The following CHSY3 variants were observed in gnomAD, a reference collection of about 807,000 sequenced individuals.
CHSY3 encodes N-acetylgalactosaminyl-proteoglycan 3-beta-glucuronosyltransferase 3.
A neutral mutation model predicts 67.2 loss-of-function variants in CHSY3; 35 were observed. The ratio of observed to expected loss-of-function variants is 0.52; its 90% CI spans 0.40 to 0.69. CHSY3 has a LOEUF of 0.69. Ranked by LOEUF, CHSY3 falls within the 30% of genes least tolerant of loss-of-function variation. CHSY3 has a pLI of 0.00. For synonymous variants in CHSY3, 474 were observed against 434.7 expected, an observed-to-expected ratio of 1.09 and a Z score of -1.12; for missense variants, 1,069 against 1,138.5, an observed-to-expected ratio of 0.94 and a Z score of 0.88.
chr5:130,081,261 C>T (rs1023499439), intron 2 of CHSY3, among the ~76,000 whole-genome samples: 4 of 150,092 alleles, frequency 2.7e-5, no homozygotes, highest in African/African-American at 7.4e-5. Context: ...TTCAAGAGAA[C>T]AGCTTCATTC....
In CHSY3 at chr5:130,186,137, C is replaced by G. The variant is rs1314563381; in HGVS notation, c.*346C>G. 6.4e-6 allele frequency: 1 copy of G among 155,566 alleles called. No homozygotes were observed. The highest frequency in any genetic ancestry group is 6.5e-5 in the Admixed American group (1 of 15,356). The allele number at this position is 155,566 out of a possible 1,614,324, so 9.6% of individuals were successfully genotyped here. ...AATGTTCTCTTGGGGCTTAAAGATGCAATATCGACTTTTATTTGGTTTCTC... is the reference window on the plus strand; with the variant it reads ...AATGTTCTCTTGGGGCTTAAAGATGGAATATCGACTTTTATTTGGTTTCTC... On this transcript the variant is annotated 3_prime_UTR_variant, in exon 3 of 3. Transcript: ENST00000305031.
At chr5:130,178,506 C>A (rs1293176483) in intron 2 of CHSY3, among the ~76,000 whole-genome samples, 1 of 151,854 alleles carries the variant, frequency 6.6e-6, no homozygotes, top group Non-Finnish European at 1.5e-5. Context: ...CCCGTCTCGG[C>A]CTCCGAAAGT....
At chr5:129,925,260 T>TAG (rs927453430) in intron 2 of CHSY3, among the ~76,000 whole-genome samples, 1 of 152,108 alleles carries the variant, frequency 6.6e-6, no homozygotes, top group African/African-American at 2.4e-5. Context: ...GAATTGGTTA[T>TAG]GGGCTAATGT....
chr5:130,020,443 ATATATATATATATATATATTTTTT>A (rs1764341947), intron 2 of CHSY3, among the ~76,000 whole-genome samples: 2 of 7,738 alleles, frequency 2.6e-4, no homozygotes, highest in African/African-American at 9.6e-4. Context: ...ATATATATAT[ATATATATATATATATATATTTTTT>A]TTTTTTTTTT....
chr5:130,143,841 T>C lies in CHSY3; in HGVS notation c.1087-40388T>C, dbSNP rs1234973537. 2.7e-4 allele frequency among the ~76,000 whole-genome samples: 37 copies of C among 135,064 alleles called. 1 individual carries two copies. Among genetic ancestry groups the C allele is most frequent in the Non-Finnish European group, 4.6e-4 (29 of 63,168 alleles). The allele number at this position is 135,064 out of a possible 152,430, so 88.6% of individuals were successfully genotyped here. ...ATATATATATATATATATATATATA[T>C]ATATATGCCAATTCAGCTATATTGG... On this transcript the variant is annotated intron_variant, in intron 2 of 2. Transcript: ENST00000305031.
At chr5:130,055,680 C>G (rs1765507603) in intron 2 of CHSY3, among the ~76,000 whole-genome samples, 1 of 151,944 alleles carries the variant, frequency 6.6e-6, no homozygotes, top group Non-Finnish European at 1.5e-5. Context: ...TTATTTTGAA[C>G]AGGAGAACAA....
At chr5:130,073,615 G>C (rs1032761591) in intron 2 of CHSY3, among the ~76,000 whole-genome samples, 1 of 152,016 alleles carries the variant, frequency 6.6e-6, no homozygotes, top group Non-Finnish European at 1.5e-5. Flanking sequence ...AATTAGTATG[G>C]TCACTTTGAA....
At chr5:130,028,560 A>C (rs951826327) in intron 2 of CHSY3, among the ~76,000 whole-genome samples, 5 of 152,166 alleles carry the variant, frequency 3.3e-5, no homozygotes, top group African/African-American at 4.8e-5. Flanking sequence ...TAAGCATCCA[A>C]CATGTCACCT....
chr5:130,096,135 C>CA (rs1419686638), intron 2 of CHSY3, among the ~76,000 whole-genome samples: 1 of 151,716 alleles, frequency 6.6e-6, no homozygotes, highest in African/African-American at 2.4e-5. Flanking sequence ...GATCCTGGAA[C>CA]AAAAAAACTG....
At chr5:129,979,964 C>A (rs1447728504) in intron 2 of CHSY3, among the ~76,000 whole-genome samples, 1 of 152,092 alleles carries the variant, frequency 6.6e-6, no homozygotes, top group African/African-American at 2.4e-5. Context: ...TTTCATTTCC[C>A]TGATATATAC....
chr5:129,982,332 A>G (rs1763044432), intron 2 of CHSY3, among the ~76,000 whole-genome samples: 1 of 152,068 alleles, frequency 6.6e-6, no homozygotes, highest in African/African-American at 2.4e-5. Context: ...CTCTACTCTA[A>G]AATGGTTGCC....
At chr5:129,917,838 T>C (rs1037377268) in intron 2 of CHSY3, among the ~76,000 whole-genome samples, 1 of 152,220 alleles carries the variant, frequency 6.6e-6, no homozygotes, top group Non-Finnish European at 1.5e-5. Flanking sequence ...TCATCCGTTA[T>C]GTCAAAATCT....
chr5:130,006,199 A>G (rs1255609037), intron 2 of CHSY3, among the ~76,000 whole-genome samples: 1 of 152,088 alleles, frequency 6.6e-6, no homozygotes, highest in Non-Finnish European at 1.5e-5. Context: ...AAGGAGGAAC[A>G]TTTTCCAAGC....
chr5:130,098,581 A>G (rs1418443907), intron 2 of CHSY3, among the ~76,000 whole-genome samples: 1 of 152,204 alleles, frequency 6.6e-6, no homozygotes, highest in Non-Finnish European at 1.5e-5. Flanking sequence ...CGTTTACCTT[A>G]AAGTGTTTGG....
chr5:129,974,299 AAAGG>A (rs1762730281), intron 2 of CHSY3, among the ~76,000 whole-genome samples: 1 of 152,034 alleles, frequency 6.6e-6, no homozygotes, highest in African/African-American at 2.4e-5. Context: ...ATCACCATAG[AAAGG>A]ATAACTCAAC....
intron 2 of CHSY3, among the ~76,000 whole-genome samples, chr5:130,093,638 A>G (rs1766949591): frequency 6.6e-6 from 1 of 152,182 alleles, no homozygotes; most frequent in Admixed American, 6.5e-5. Context: ...AAACTGATGA[A>G]TGATGTAGTC....
intron 2 of CHSY3, among the ~76,000 whole-genome samples, chr5:130,030,518 C>T (rs1466775470): frequency 6.6e-6 from 1 of 152,098 alleles, no homozygotes; most frequent in African/African-American, 2.4e-5. Flanking sequence ...GTGCTTAGAA[C>T]ATTATTCAAA....
intron 2 of CHSY3, among the ~76,000 whole-genome samples, chr5:130,016,140 C>T (rs144872071): frequency 2.0e-5 from 3 of 152,212 alleles, no homozygotes; most frequent in Admixed American, 6.5e-5. Flanking sequence ...ACTATGGTCT[C>T]TACCTGGTGA....
intron 2 of CHSY3, among the ~76,000 whole-genome samples, chr5:130,065,132 A>T (rs113990400): frequency 0.014 from 2,205 of 152,238 alleles, 46 homozygotes; most frequent in African/African-American, 0.048. Context: ...AGAACAGTTA[A>T]ATTTATTTTA....
Sources: gnomAD v4.1 joint callset for allele counts (sites outside exome capture counted in the v4.1 genomes callset) on GRCh38, gnomAD v4.1.1 for gene constraint, MANE v1.5 for transcripts, NCBI Gene and HGNC (gene_info 2026-07-23, HGNC 2026-07-21) for gene names.